Variants in SPAG9 observed in about 807,000 individuals in gnomAD.
The protein encoded by SPAG9 is sperm associated antigen 9.
A neutral mutation model predicts 166.5 loss-of-function variants in SPAG9; 35 were observed. The observed-to-expected ratio is 0.21, with a 90% CI of 0.16 to 0.28. SPAG9 has a LOEUF of 0.28. SPAG9 is among the 10% of genes least tolerant of loss of function. SPAG9 has a pLI of 1.00. For missense variants in SPAG9, 1,235 were observed against 1,603.3 expected (o/e 0.77, Z 3.92); for synonymous variants, 534 against 565.5 (o/e 0.94, Z 0.79).
intron 1 of SPAG9, among the ~76,000 whole-genome samples, chr17:51,093,511 G>A (rs1005875674): frequency 5.9e-5 from 9 of 151,710 alleles, no homozygotes; most frequent in African/African-American, 2.2e-4. Context: ...GACCGTCCTG[G>A]CTAACATGGT....
Position 50,993,844 on chromosome 17 carries a change from A to G in SPAG9, c.2318T>C (p.Ile773Thr), listed in dbSNP as rs1191149727. The change falls in exon 19 of 30, where the codon ATT (isoleucine) becomes ACT (threonine). Residue 773 changes from isoleucine to threonine, a missense_variant. By Grantham distance (89) the Ile-to-Thr change is moderately conservative. This residue lies in a region of SPAG9 where 493 missense variants were observed against 559.4 expected (regional missense o/e 0.88). Transcript: ENST00000262013. ...STHSATKVLIIDAVQPGNILD... is the reference protein window; with the variant it reads ...STHSATKVLITDAVQPGNILD... ...GATGTTGCCAGGTTGAACAGCATCA[A>G]TAATAAGAACTTTTGTAGCCGAATG... is the stretch of plus-strand genomic sequence containing the variant. 3 of 1,614,200 alleles carry G rather than the reference A, an allele frequency of 1.9e-6. No homozygotes were observed. Among genetic ancestry groups the G allele is most frequent in the Admixed American group, 3.3e-5 (2 of 60,020 alleles).
At chr17:51,097,170 G>A (rs1328867995) in intron 1 of SPAG9, among the ~76,000 whole-genome samples, 1 of 152,234 alleles carries the variant, frequency 6.6e-6, no homozygotes, top group Admixed American at 6.5e-5. Context: ...GGTTCCTGCA[G>A]GGTGACATGT....
chr17:51,007,269 T>G lies in SPAG9; in HGVS notation c.1271A>C (p.Lys424Thr), dbSNP rs747095899. Residue 424 changes from lysine (K) to threonine (T), a missense_variant and splice_region_variant, in exon 10 of 30, where the codon AAA becomes ACA. By Grantham distance (78) the Lys-to-Thr change is moderately conservative. Transcript: ENST00000262013. ...ILENTQLLET[K>T]NALNIVKNDL... is the part of the protein sequence containing the mutation. ...CTGTTAAAATTTCACATATACTTAC[T>G]TGGTTTCCAACAGTTGTGTATTTTC... 2 of 1,554,120 alleles carry G rather than the reference T, an allele frequency of 1.3e-6. No homozygotes were observed. Among genetic ancestry groups the G allele is most frequent in the African/African-American group, 2.7e-5 (2 of 73,118 alleles).
At chr17:51,014,984 A>T (rs535988525) in intron 8 of SPAG9, among the ~76,000 whole-genome samples, 50 of 152,220 alleles carry the variant, frequency 3.3e-4, no homozygotes, top group African/African-American at 1.2e-3. Context: ...AACTCTGTAG[A>T]CCATTTCCAG....
At chr17:51,060,004 T>C (rs1598104540) in intron 2 of SPAG9, among the ~76,000 whole-genome samples, 1 of 152,128 alleles carries the variant, frequency 6.6e-6, no homozygotes, top group East Asian at 1.9e-4. Context: ...GATCTCATTT[T>C]TAAAAGGAAA....
At chr17:51,012,390 T>G (rs1174769502) in intron 9 of SPAG9, among the ~76,000 whole-genome samples, 2 of 151,910 alleles carry the variant, frequency 1.3e-5, no homozygotes, top group African/African-American at 2.4e-5. Flanking sequence ...GCCAGTATAG[T>G]AAAACCCCAT....
chr17:51,020,101 T>G, intron 8 of SPAG9, 58 bp downstream of exon 8: 1 of 967,596 alleles, frequency 1.0e-6, no homozygotes, highest in Non-Finnish European at 1.7e-6. Flanking sequence ...GAGAACAGTG[T>G]TTATGGGAGT....
intron 14 of SPAG9, among the ~76,000 whole-genome samples, chr17:50,998,979 AG>A: frequency 6.6e-6 from 1 of 152,384 alleles, no homozygotes; most frequent in Non-Finnish European, 1.5e-5. Flanking sequence ...TTAAACCGCA[AG>A]GTTATGGCTG....
intron 2 of SPAG9, among the ~76,000 whole-genome samples, chr17:51,072,054 A>C (rs761247152): frequency 2.0e-5 from 3 of 152,160 alleles, no homozygotes; most frequent in Non-Finnish European, 4.4e-5. Context: ...GGTTACATTT[A>C]CTTTGTCACA....
At chr17:50,979,580 C>T (rs998651322) in intron 26 of SPAG9, among the ~76,000 whole-genome samples, 166 bp downstream of exon 26, 1 of 151,886 alleles carries the variant, frequency 6.6e-6, no homozygotes, top group African/African-American at 2.4e-5. Flanking sequence ...GAGAGGATCG[C>T]TTGAGCCCAG....
intron 9 of SPAG9, chr17:51,009,214 C>T: frequency 2.3e-6 from 1 of 435,800 alleles, no homozygotes; most frequent in Non-Finnish European, 4.5e-6. Context: ...AAGAACTAAA[C>T]TCATTTACTT....
At chr17:50,969,808 T>C (rs1366180078) in intron 29 of SPAG9, among the ~76,000 whole-genome samples, 4 of 152,094 alleles carry the variant, frequency 2.6e-5, no homozygotes, top group Non-Finnish European at 1.5e-5. Context: ...CAGTGCTGAG[T>C]CACCTCAAGC....
chr17:51,006,580 T>C (rs981803653), intron 10 of SPAG9, among the ~76,000 whole-genome samples: 7 of 152,210 alleles, frequency 4.6e-5, no homozygotes, highest in Non-Finnish European at 8.8e-5. Context: ...TTACCTTTAA[T>C]AAATAATGAG....
At chr17:51,012,887 C>T (rs1047402894) in intron 9 of SPAG9, among the ~76,000 whole-genome samples, 6 of 151,802 alleles carry the variant, frequency 4.0e-5, no homozygotes, top group Non-Finnish European at 8.8e-5. Context: ...AGCTGAACTA[C>T]TGGCATACTC....
At position 51,056,438 on chromosome 17, in the gene SPAG9, T is replaced by C; in HGVS notation, c.469A>G (p.Asn157Asp). 1 of 1,609,014 alleles carries C rather than the reference T, an allele frequency of 6.2e-7. No individual in the cohort carries two copies. The highest frequency in any genetic ancestry group is 1.1e-5 in the South Asian group (1 of 90,958). ...EREAELKKEYNALHQRHTEMI... is the reference protein window; with the variant it reads ...EREAELKKEYDALHQRHTEMI... Reference sequence around the variant, plus strand: ...TCAGTGTGTCTTTGATGTAATGCATTATATTCCTTCTTCAGTTCTGCTTCT... The same window carrying C: ...TCAGTGTGTCTTTGATGTAATGCATCATATTCCTTCTTCAGTTCTGCTTCT... The change falls in exon 3 of 30, where the codon AAT becomes GAT. Residue 157 changes from asparagine (N) to aspartate (D), a missense_variant. Physicochemically the swap from Asn to Asp is conservative, Grantham distance 23 (BLOSUM62 1). Coordinates refer to ENST00000262013, the MANE Select transcript of SPAG9 (RefSeq NM_001130528.3).
chr17:51,051,412 T>C (rs1377434075), intron 3 of SPAG9, among the ~76,000 whole-genome samples: 2 of 151,278 alleles, frequency 1.3e-5, no homozygotes, highest in Non-Finnish European at 3.0e-5. Context: ...TCGGCCAAGG[T>C]GTTAGTGTTA....
At chr17:51,061,588 C>T (rs1042448762) in intron 2 of SPAG9, among the ~76,000 whole-genome samples, 3 of 101,946 alleles carry the variant, frequency 2.9e-5, no homozygotes, top group African/African-American at 7.9e-5. Context: ...CTAGTCTGGG[C>T]AACAAGAGCG....
intron 2 of SPAG9, among the ~76,000 whole-genome samples, chr17:51,059,234 G>C (rs1311440480): frequency 6.6e-6 from 1 of 152,144 alleles, no homozygotes; most frequent in African/African-American, 2.4e-5. Flanking sequence ...GTGATCTGAT[G>C]TATTTATGCC....
rs573154859 is a variant in SPAG9, at chr17:51,066,782, C to G, written c.425-10300G>C. 2.6e-5 allele frequency among the ~76,000 whole-genome samples: 4 copies of G among 151,926 alleles called. No homozygotes were observed. The East Asian group carries it at 7.8e-4, about 30-fold the overall frequency. ...TGGCACACTCCTGTAGTCCCAGCTA[C>G]TAGGGAGGCTGAGGCAGGGGAATCG... On this transcript the variant is annotated intron_variant, in intron 2 of 29. Coordinates refer to ENST00000262013, the MANE Select transcript of SPAG9 (RefSeq NM_001130528.3).
Sources: allele counts gnomAD v4.1 joint callset (sites outside exome capture counted in the v4.1 genomes callset), GRCh38; gene constraint gnomAD v4.1.1; regional missense constraint gnomAD v4.1.1; transcripts MANE v1.5; gene names NCBI Gene and HGNC (gene_info 2026-07-23, HGNC 2026-07-21).